The following EPC1 variants were observed in gnomAD, a reference collection of about 807,000 sequenced individuals.
EPC1 encodes enhancer of polycomb 1.
Under a neutral mutation model 98.4 loss-of-function variants are expected in EPC1, and 12 were observed. That is an observed-to-expected ratio of 0.12 (90% CI 0.08 to 0.20). The LOEUF (loss-of-function observed/expected upper bound fraction) is 0.20. Among genes scored for constraint, EPC1 ranks in the 10% least tolerant of loss-of-function variants. The pLI, the probability that EPC1 is intolerant of heterozygous loss-of-function variation, is 1.00. For synonymous variants in EPC1, 357 were observed against 363.9 expected (o/e 0.98, Z 0.21); for missense variants, 729 against 990.5 (o/e 0.74, Z 3.54).
chr10:32,359,367 T>C (rs948812831), intron 1 of EPC1, among the ~76,000 whole-genome samples: 18 of 152,218 alleles, frequency 1.2e-4, no homozygotes, highest in African/African-American at 3.9e-4. Flanking sequence ...TGATAGTATA[T>C]ATGGTTTAAT....
At position 32,332,662 on chromosome 10, in the gene EPC1, A is replaced by C. The variant is rs1837709807; in HGVS notation, c.153+14101T>G. Among the ~76,000 whole-genome samples the C allele has an allele frequency of 2.0e-5, 3 of 152,380 alleles. No homozygotes were observed. The South Asian group carries it at 6.2e-4, about 32-fold the overall frequency. ...CTGACTGCAATCCTGAACAGCTTTTATGCAGACACAGGTCAGAACCACCCA... is the reference window on the plus strand; with the variant it reads ...CTGACTGCAATCCTGAACAGCTTTTCTGCAGACACAGGTCAGAACCACCCA... On this transcript the variant is annotated intron_variant, in intron 1 of 13. Transcript: ENST00000319778.
At chr10:32,354,273 G>T (rs553308919) in intron 1 of EPC1, among the ~76,000 whole-genome samples, 3 of 151,992 alleles carry the variant, frequency 2.0e-5, no homozygotes, top group Non-Finnish European at 4.4e-5. Flanking sequence ...CAACAAAAAA[G>T]AAATGAAAAA....
At chr10:32,354,217 A>T (rs1839205020) in intron 1 of EPC1, among the ~76,000 whole-genome samples, 1 of 152,232 alleles carries the variant, frequency 6.6e-6, no homozygotes, top group Non-Finnish European at 1.5e-5. Context: ...ATGGACTCAA[A>T]GTTATTTCAG....
chr10:32,378,366 C>T (rs1414152729), intron 1 of EPC1: 7 of 639,996 alleles, frequency 1.1e-5, no homozygotes, highest in Admixed American at 1.0e-4. Flanking sequence ...TTAGGTAGAA[C>T]GTGCAGAGAT....
rs182510209 is a variant in EPC1, at chr10:32,275,494, C to T, written c.1745-2213G>A. On this transcript the variant is annotated intron_variant, in intron 10 of 13. Transcript: ENST00000319778. ...TAAAAATGCAAAAGTTGGCTGGGCG[C>T]GGTGGCTCACGCCTGTAATCCCAGC... Among the ~76,000 whole-genome samples the T allele has an allele frequency of 9.4e-4, 142 of 151,738 alleles. 1 individual carries two copies. Among genetic ancestry groups the T allele is most frequent in the East Asian group, 7.8e-3 (40 of 5,160 alleles).
intron 1 of EPC1, among the ~76,000 whole-genome samples, chr10:32,316,886 A>G (rs2505411): frequency 0.98 from 149,029 of 152,366 alleles, 72,956 homozygotes; most frequent in East Asian, 1. Context: ...ACATGCACTC[A>G]TGTGTAATTT....
intron 1 of EPC1, among the ~76,000 whole-genome samples, chr10:32,326,808 A>G (rs543573224): frequency 1.3e-5 from 2 of 152,262 alleles, no homozygotes; most frequent in African/African-American, 4.8e-5. Flanking sequence ...GCTCATCATG[A>G]CTAACCATCA....
intron 1 of EPC1, chr10:32,345,045 C>T (rs1838667542): frequency 1.5e-6 from 1 of 687,642 alleles, no homozygotes; most frequent in Non-Finnish European, 1.8e-6. Flanking sequence ...GTAAAACCAA[C>T]ACCCCAATAC....
Position 32,273,194 on chromosome 10 carries a change from G to A in EPC1, c.1832C>T (p.Ala611Val), listed in dbSNP as rs1835921770. Residue 611 changes from alanine to valine, a missense_variant, in exon 11 of 14, where the codon GCA (alanine) becomes GTA (valine). Around this residue, in one of 6 missense-constraint regions of EPC1, gnomAD observed 390 missense variants for 438.6 expected, o/e 0.89. Coordinates refer to ENST00000319778, the MANE Select transcript of EPC1 (RefSeq NM_001272004.3). The part of the protein sequence containing the change: ...QQLAQIQQQQ[A>V]NSNSSTNTSQ... ...TGTGTTGGTGGAGGAATTACTATTT[G>A]CTTGCTGTTGCTGAATTTGTGCAAG... 6.2e-7 allele frequency: 1 copy of A among 1,614,122 alleles called. No individual in the cohort carries two copies. Among genetic ancestry groups the A allele is most frequent in the Middle Eastern group, 1.6e-4 (1 of 6,062 alleles).
At chr10:32,332,737 A>G (rs1395091853) in intron 1 of EPC1, among the ~76,000 whole-genome samples, 1 of 152,192 alleles carries the variant, frequency 6.6e-6, no homozygotes, top group Non-Finnish European at 1.5e-5. Context: ...AAGATTACAA[A>G]TGTTTGTTGT....
intron 1 of EPC1, among the ~76,000 whole-genome samples, chr10:32,338,448 T>C (rs1040486119): frequency 2.6e-5 from 4 of 152,162 alleles, no homozygotes; most frequent in African/African-American, 9.7e-5. Context: ...AATCAGATCA[T>C]GTCACTCCCT....
In EPC1 at chr10:32,353,156, A is replaced by C. The variant is rs1200518604; in HGVS notation, c.3+25335T>G. 4.1e-5 allele frequency among the ~76,000 whole-genome samples: 5 copies of C among 122,422 alleles called. No individual in the cohort carries two copies. In the South Asian group the frequency reaches 9.3e-4, roughly 23 times the overall value. 80.3% of individuals were successfully genotyped at this position (122,422 alleles called of 152,430 possible). A position where few individuals can be genotyped will look rare whatever the true frequency, so the allele number is the denominator to read the frequency against. The stretch of plus-strand genomic sequence containing the variant: ...GGCAACAAGAGCACAACTCCATTTC[A>C]AAAAAAAAAAAAAAAAGCAAAAAAA... On this transcript the variant is annotated intron_variant, in intron 1 of 13. Transcript: ENST00000375110.
chr10:32,366,099 C>G (rs949036567), intron 1 of EPC1, among the ~76,000 whole-genome samples: 3 of 152,196 alleles, frequency 2.0e-5, no homozygotes, highest in African/African-American at 7.2e-5. Flanking sequence ...TGCCACAGCA[C>G]TCCAGCCTGG....
chr10:32,366,355 C>T (rs1175646067), intron 1 of EPC1, among the ~76,000 whole-genome samples: 2 of 152,174 alleles, frequency 1.3e-5, no homozygotes, highest in East Asian at 3.9e-4. Context: ...GCACACCCTG[C>T]TTGTAAACTC....
At position 32,342,242 on chromosome 10, in the gene EPC1, CT is replaced by C. The variant is rs1838410364; in HGVS notation, c.153+4520del. On this transcript the variant is annotated intron_variant, in intron 1 of 13. Transcript: ENST00000319778. ...AAGAGAGTGGATAGAATGGAGAAAT[CT>C]AGATTGATCTTTACAGCTCCAGATA... Among the ~76,000 whole-genome samples, 3 of 152,160 alleles carry C rather than the reference CT, an allele frequency of 2.0e-5. No homozygotes were observed. The South Asian group carries it at 6.2e-4, about 32-fold the overall frequency.
chr10:32,343,557 C>A (rs951515275), intron 1 of EPC1, among the ~76,000 whole-genome samples: 3 of 152,178 alleles, frequency 2.0e-5, no homozygotes, highest in African/African-American at 7.2e-5. Context: ...TTACATTCTG[C>A]GAATTCACAT....
At chr10:32,283,408 C>G (rs1447582492) in intron 10 of EPC1, 1 of 152,156 alleles carries the variant, frequency 6.6e-6, no homozygotes, top group Non-Finnish European at 1.5e-5. Flanking sequence ...CCTTGACCTT[C>G]TGGGCTCCTA....
intron 1 of EPC1, chr10:32,377,290 C>G (rs904547930): frequency 2.0e-5 from 3 of 152,096 alleles, no homozygotes; most frequent in African/African-American, 7.2e-5. Context: ...TCAGGAGAAA[C>G]TTAGAATAGT....
At chr10:32,309,493 C>CTTTTTTTTTTTTT (rs67775039) in intron 1 of EPC1, among the ~76,000 whole-genome samples, 2 of 142,440 alleles carry the variant, frequency 1.4e-5, no homozygotes, top group African/African-American at 2.6e-5. Flanking sequence ...TATTTTCAAG[C>CTTTTTTTTTTTTT]TTTTTTTTTT....
Sources: gnomAD v4.1 joint callset for allele counts (sites outside exome capture counted in the v4.1 genomes callset) on GRCh38, gnomAD v4.1.1 for gene constraint, gnomAD v4.1.1 regional missense constraint, MANE v1.5 for transcripts, NCBI Gene and HGNC (gene_info 2026-07-23, HGNC 2026-07-21) for gene names.